The following NCALD variants were observed in gnomAD, a reference collection of about 807,000 sequenced individuals.
The protein encoded by NCALD is neurocalcin delta.
In NCALD, 10 loss-of-function variants were observed where a neutral mutation model predicts 18.6. The ratio of observed to expected loss-of-function variants is 0.54; its 90% CI spans 0.33 to 0.91. The LOEUF is 0.91. Among genes scored for constraint, NCALD ranks in the 40% least tolerant of loss-of-function variants. The pLI, the probability that NCALD is intolerant of heterozygous loss-of-function variation, is 0.03. For missense variants in NCALD, 184 were observed against 247.6 expected, an observed-to-expected ratio of 0.74 and a Z score of 1.72; for synonymous variants, 88 against 87.4, an observed-to-expected ratio of 1.01 and a Z score of -0.04.
At chr8:101,967,150 C>A (rs1820061780) in intron 2 of NCALD, among the ~76,000 whole-genome samples, 1 of 152,090 alleles carries the variant, frequency 6.6e-6, no homozygotes, top group South Asian at 2.1e-4. Context: ...TCATTTTTTA[C>A]CTATCTGTTG....
intron 1 of NCALD, among the ~76,000 whole-genome samples, chr8:102,072,064 C>T (rs1347575079): frequency 1.4e-5 from 2 of 147,280 alleles, no homozygotes; most frequent in Non-Finnish European, 3.0e-5. Flanking sequence ...AACGGCCAGA[C>T]TTCAAGACCT....
intron 1 of NCALD, among the ~76,000 whole-genome samples, chr8:101,765,204 G>C (rs527876983): frequency 6.6e-6 from 1 of 152,180 alleles, no homozygotes; most frequent in Non-Finnish European, 1.5e-5. Flanking sequence ...GGAGGGGAAC[G>C]AACAGTAGCA....
Position 101,810,205 on chromosome 8 carries a change from A to G in NCALD, c.-20+76936T>C, listed in dbSNP as rs16868462. On this transcript the variant is annotated intron_variant, in intron 4 of 6. Transcript: ENST00000311028. Reference sequence around the variant, plus strand: ...AAGTCAGGCACACTCTGAATTAAACATGGACTCCCCAAATATGACTTTTTA... The same window carrying G: ...AAGTCAGGCACACTCTGAATTAAACGTGGACTCCCCAAATATGACTTTTTA... Among the ~76,000 whole-genome samples, 873 of 152,326 alleles carry G rather than the reference A, an allele frequency of 5.7e-3. 11 individuals are homozygous for G. Among genetic ancestry groups the G allele is most frequent in the African/African-American group, 0.018 (765 of 41,574 alleles).
intron 2 of NCALD, among the ~76,000 whole-genome samples, chr8:101,697,207 A>C (rs1815037119): frequency 1.3e-5 from 2 of 152,166 alleles, no homozygotes; most frequent in African/African-American, 4.8e-5. Flanking sequence ...GAAATGTATA[A>C]ATTCCTGGAC....
intron 2 of NCALD, among the ~76,000 whole-genome samples, chr8:102,004,180 G>A (rs1462251399): frequency 6.6e-6 from 1 of 151,860 alleles, no homozygotes; most frequent in Non-Finnish European, 1.5e-5. Flanking sequence ...CTTCAGCAAA[G>A]TCTCAGGATA....
chr8:101,690,086 G>C (rs1814651710), intron 3 of NCALD, among the ~76,000 whole-genome samples: 1 of 152,104 alleles, frequency 6.6e-6, no homozygotes, highest in Non-Finnish European at 1.5e-5. Context: ...TGCTGGAGGA[G>C]GGAGGCTCAG....
At chr8:101,948,009 T>C (rs543011395) in intron 2 of NCALD, among the ~76,000 whole-genome samples, 1 of 152,360 alleles carries the variant, frequency 6.6e-6, no homozygotes, top group African/African-American at 2.4e-5. Context: ...GGCCAGGTTA[T>C]GGCCAGTCTT....
At chr8:102,045,360 C>G (rs1234800039) in intron 1 of NCALD, among the ~76,000 whole-genome samples, 1 of 152,164 alleles carries the variant, frequency 6.6e-6, no homozygotes, top group African/African-American at 2.4e-5. Flanking sequence ...ATGCACATAG[C>G]TCACAAATAG....
chr8:101,879,124 G>C (rs1219065985), intron 4 of NCALD, among the ~76,000 whole-genome samples: 3 of 152,202 alleles, frequency 2.0e-5, no homozygotes, highest in Non-Finnish European at 2.9e-5. Context: ...AGAATGGTTT[G>C]GAGACTGCCA....
chr8:101,870,418 C>T (rs928222355), intron 4 of NCALD, among the ~76,000 whole-genome samples: 4 of 152,098 alleles, frequency 2.6e-5, no homozygotes, highest in Admixed American at 2.6e-4. Context: ...ACATAAAGTT[C>T]ATATGAAACA....
At chr8:101,720,517 T>C (rs536049263) in intron 1 of NCALD, among the ~76,000 whole-genome samples, 9 of 152,348 alleles carry the variant, frequency 5.9e-5, no homozygotes, top group South Asian at 2.1e-4. Flanking sequence ...ACTTTTCGTA[T>C]GTGTACTTAA....
chr8:101,957,578 T>C (rs1415746633), intron 2 of NCALD, among the ~76,000 whole-genome samples: 1 of 152,102 alleles, frequency 6.6e-6, no homozygotes. Flanking sequence ...TTTGTTTTCC[T>C]ACCAAAAATA....
chr8:101,956,766 G>T (rs1190330570), intron 2 of NCALD, among the ~76,000 whole-genome samples: 4 of 152,058 alleles, frequency 2.6e-5, no homozygotes, highest in African/African-American at 4.8e-5. Flanking sequence ...TAAGAAAAAT[G>T]ATTGAAAAAA....
intron 2 of NCALD, among the ~76,000 whole-genome samples, chr8:101,988,720 C>T (rs968906948): frequency 3.9e-5 from 6 of 152,094 alleles, no homozygotes; most frequent in Non-Finnish European, 8.8e-5. Context: ...TTCTTGCTTA[C>T]CAAGTCAGCT....
chr8:102,048,554 G>A (rs1372113947), intron 1 of NCALD, among the ~76,000 whole-genome samples: 2 of 152,140 alleles, frequency 1.3e-5, no homozygotes, highest in African/African-American at 2.4e-5. Context: ...CTACGAGCAG[G>A]CTATTTCAGC....
intron 4 of NCALD, among the ~76,000 whole-genome samples, chr8:101,840,712 T>C (rs776617035): frequency 2.6e-5 from 4 of 152,230 alleles, no homozygotes; most frequent in African/African-American, 4.8e-5. Flanking sequence ...TTTGTAGATA[T>C]GTGTGCCTAT....
intron 4 of NCALD, among the ~76,000 whole-genome samples, chr8:101,838,050 AAGAC>A (rs1256364064): frequency 1.3e-5 from 2 of 152,214 alleles, no homozygotes; most frequent in African/African-American, 4.8e-5. Flanking sequence ...GGGTAGAGAA[AAGAC>A]AGACAAAATC....
At position 101,816,766 on chromosome 8, in the gene NCALD, A is replaced by C. The variant is rs149915738; in HGVS notation, c.-20+70375T>G. 5.7e-3 allele frequency among the ~76,000 whole-genome samples: 870 copies of C among 152,252 alleles called. 11 individuals carry two copies. The highest frequency in any genetic ancestry group is 0.018 in the African/African-American group (764 of 41,550). On this transcript the variant is annotated intron_variant, in intron 4 of 6. Transcript: ENST00000311028. ...TTTGTCCAAACCCATAGAATGTACA[A>C]CACCAGGGGTGAACTGTAATGCAAA...
intron 1 of NCALD, among the ~76,000 whole-genome samples, chr8:101,778,649 A>G (rs1243397111): frequency 6.6e-6 from 1 of 152,172 alleles, no homozygotes; most frequent in African/African-American, 2.4e-5. Flanking sequence ...AATCCTCTGA[A>G]TGCACATAAA....
Sources: allele counts gnomAD v4.1 joint callset (sites outside exome capture counted in the v4.1 genomes callset), GRCh38; gene constraint gnomAD v4.1.1; transcripts MANE v1.5; gene names NCBI Gene and HGNC (gene_info 2026-07-23, HGNC 2026-07-21).